IQSEC1: variants seen among roughly 807,000 people sequenced by gnomAD.
The protein encoded by IQSEC1 is IQ motif and SEC7 domain-containing protein 1.
In IQSEC1, 31 loss-of-function variants were observed where a neutral mutation model predicts 91.0. The ratio of observed to expected loss-of-function variants is 0.34; its 90% CI spans 0.26 to 0.46. The LOEUF is 0.46. IQSEC1 is among the 20% of genes least tolerant of loss of function. The pLI is 1.00. For synonymous variants in IQSEC1, 699 were observed against 662.6 expected (o/e 1.05, Z -0.84); for missense variants, 1,388 against 1,575.6 (o/e 0.88, Z 2.02).
At chr3:13,239,469 G>C (rs1295583756) in intron 1 of IQSEC1, among the ~76,000 whole-genome samples, 5 of 152,272 alleles carry the variant, frequency 3.3e-5, no homozygotes, top group Non-Finnish European at 7.3e-5. Context: ...GGACACAGGA[G>C]ACAGAAAGAC....
At chr3:13,116,692 G>C (rs1054152200) in intron 2 of IQSEC1, among the ~76,000 whole-genome samples, 5 of 152,266 alleles carry the variant, frequency 3.3e-5, no homozygotes, top group Non-Finnish European at 7.4e-5. Flanking sequence ...TTTGAGATCA[G>C]GAGTTCAAGA....
intron 1 of IQSEC1, among the ~76,000 whole-genome samples, chr3:12,999,919 C>T (rs1364738829): frequency 1.3e-5 from 2 of 152,290 alleles, no homozygotes; most frequent in South Asian, 2.1e-4. Flanking sequence ...CTGCTCTAAA[C>T]GCTTCTGTAG....
At position 13,043,714 on chromosome 3, in the gene IQSEC1, T is replaced by A. The variant is rs780315789; in HGVS notation, c.23+29278A>T. On this transcript the variant is annotated intron_variant, in intron 1 of 13. Coordinates refer to ENST00000613206, the MANE Select transcript of IQSEC1 (RefSeq NM_001134382.3). ...ACATCTCTTTTAAGGGCCGGCCCAC[T>A]GGAGGAGCCTCGATAATCATTTGTG... Among the ~76,000 whole-genome samples, 3 of 152,244 alleles carry A rather than the reference T, an allele frequency of 2.0e-5. No individual in the cohort carries two copies. The South Asian group carries it at 6.2e-4, about 32-fold the overall frequency.
rs903387289 is a variant in IQSEC1 at position 12,898,177 on chromosome 3, C to T, written c.*2806G>A. 1 of 152,286 alleles carries T rather than the reference C, an allele frequency of 6.6e-6. No individual in the cohort carries two copies. The highest frequency in any genetic ancestry group is 1.5e-5 in the Non-Finnish European group (1 of 68,072). The allele number at this position is 152,286 out of a possible 1,614,324, so 9.4% of individuals were successfully genotyped here. On this transcript the variant is annotated 3_prime_UTR_variant, in exon 14 of 14. Transcript: ENST00000613206. ...GGGATGTGATGACAGGACCCCGAAG[C>T]TGTGGCTCTGACAGGTGGGATCTCT...
chr3:13,090,602 G>A (rs1261305793), intron 2 of IQSEC1, among the ~76,000 whole-genome samples: 1 of 152,192 alleles, frequency 6.6e-6, no homozygotes, highest in Admixed American at 6.5e-5. Flanking sequence ...TGGTGCAGGG[G>A]CAGGTCCTGG....
At chr3:12,976,508 C>T (rs1211121256) in intron 1 of IQSEC1, among the ~76,000 whole-genome samples, 1 of 152,206 alleles carries the variant, frequency 6.6e-6, no homozygotes, top group Non-Finnish European at 1.5e-5. Context: ...CCAAGCCCCA[C>T]CCTCAGGCAT....
At chr3:13,231,988 C>G (rs539215066) in intron 1 of IQSEC1, among the ~76,000 whole-genome samples, 30 of 152,232 alleles carry the variant, frequency 2.0e-4, no homozygotes. Flanking sequence ...TCCCCTGCCT[C>G]GGAGGAGAAA....
chr3:13,119,973 G>A (rs766936874), intron 2 of IQSEC1, among the ~76,000 whole-genome samples: 12 of 152,188 alleles, frequency 7.9e-5, no homozygotes, highest in African/African-American at 1.2e-4. Flanking sequence ...GGCCAACGCT[G>A]GAGGTGGGCC....
At chr3:12,977,469 G>A (rs1013021444) in intron 1 of IQSEC1, among the ~76,000 whole-genome samples, 1 of 152,186 alleles carries the variant, frequency 6.6e-6, no homozygotes, top group African/African-American at 2.4e-5. Flanking sequence ...AAAATGGGTG[G>A]AGAAACTGAG....
At chr3:13,106,231 G>A (rs1706149451) in intron 2 of IQSEC1, among the ~76,000 whole-genome samples, 1 of 152,146 alleles carries the variant, frequency 6.6e-6, no homozygotes, top group Admixed American at 6.5e-5. Context: ...TCTCCAGGAA[G>A]CCTCCCCGTT....
intron 1 of IQSEC1, among the ~76,000 whole-genome samples, chr3:13,254,597 G>T (rs529780664): frequency 6.6e-6 from 1 of 152,356 alleles, no homozygotes; most frequent in East Asian, 1.9e-4. Flanking sequence ...AGCCCCCTTC[G>T]GTGACAGGCT....
At chr3:12,988,724 G>T (rs1398546845) in intron 1 of IQSEC1, among the ~76,000 whole-genome samples, 7 of 152,202 alleles carry the variant, frequency 4.6e-5, no homozygotes, top group African/African-American at 1.7e-4. Context: ...TCAGTCTCTT[G>T]ACCCATGCAG....
chr3:13,076,557 G>A (rs1705565258), upstream of IQSEC1, among the ~76,000 whole-genome samples: 1 of 152,160 alleles, frequency 6.6e-6, no homozygotes, highest in South Asian at 2.1e-4. Context: ...GCAGTCCACA[G>A]ATCTGACAGT....
At chr3:13,016,375 C>A (rs1250265269) in intron 1 of IQSEC1, among the ~76,000 whole-genome samples, 1 of 152,240 alleles carries the variant, frequency 6.6e-6, no homozygotes, top group Admixed American at 6.5e-5. Context: ...CACATCTCAA[C>A]CGGCCTTCCC....
At chr3:13,083,133 T>C (rs1442234544) in intron 2 of IQSEC1, among the ~76,000 whole-genome samples, 3 of 152,244 alleles carry the variant, frequency 2.0e-5, no homozygotes, top group African/African-American at 7.2e-5. Context: ...GTCACTGCTT[T>C]ATCCCCTGTG....
intron 1 of IQSEC1, among the ~76,000 whole-genome samples, chr3:13,253,838 G>A (rs997433212): frequency 6.6e-6 from 1 of 152,144 alleles, no homozygotes; most frequent in Non-Finnish European, 1.5e-5. Flanking sequence ...CAAGTGCCTC[G>A]GTGGTTATGT....
chr3:13,162,286 G>A (rs1179697963), intron 2 of IQSEC1, among the ~76,000 whole-genome samples: 2 of 152,180 alleles, frequency 1.3e-5, no homozygotes, highest in Non-Finnish European at 2.9e-5. Context: ...GGGATTGGGG[G>A]AAGCTTAGAT....
chr3:13,257,604 T>C (rs6805636), intron 1 of IQSEC1, among the ~76,000 whole-genome samples: 61,695 of 152,002 alleles, frequency 0.41, 15,488 homozygotes, highest in African/African-American at 0.72. Flanking sequence ...TTGAGACCAC[T>C]CAGTTTGGGT....
chr3:13,228,219 T>C (rs1694789442), intron 1 of IQSEC1, among the ~76,000 whole-genome samples: 1 of 152,196 alleles, frequency 6.6e-6, no homozygotes, highest in African/African-American at 2.4e-5. Context: ...AGTTCAGAGT[T>C]GCTTTTGCTT....
Sources: gnomAD v4.1 joint callset for allele counts (sites outside exome capture counted in the v4.1 genomes callset) on GRCh38, gnomAD v4.1.1 for gene constraint, MANE v1.5 for transcripts, NCBI Gene and HGNC (gene_info 2026-07-23, HGNC 2026-07-21) for gene names.